RANBP17: variants seen among roughly 807,000 people sequenced by gnomAD.
RANBP17 encodes RAN binding protein 17.
Under a neutral mutation model 141.2 loss-of-function variants are expected in RANBP17, and 158 were observed. The observed-to-expected ratio is 1.12, with a 90% CI of 0.98 to 1.28. The LOEUF is 1.28. Among genes scored for constraint, RANBP17 ranks in the 50% most tolerant of loss-of-function variants. The probability of loss-of-function intolerance (pLI) is 0.00; values close to 1 mark genes in which losing one functional copy is unlikely to be tolerated. For missense variants in RANBP17, 1,438 were observed against 1,290.7 expected (o/e 1.11, Z -1.75); for synonymous variants, 430 against 450.0 (o/e 0.96, Z 0.56).
intron 14 of RANBP17, among the ~76,000 whole-genome samples, chr5:171,025,536 T>C (rs1346350434): frequency 6.6e-6 from 1 of 151,914 alleles, no homozygotes; most frequent in African/African-American, 2.4e-5. Context: ...CTCCCTCCTC[T>C]TAGGTTCTCA....
intron 14 of RANBP17, among the ~76,000 whole-genome samples, chr5:170,981,041 C>A (rs1289525314): frequency 2.0e-5 from 3 of 152,174 alleles, no homozygotes; most frequent in African/African-American, 4.8e-5. Flanking sequence ...CAAAGGAGAT[C>A]ATTTTGGAGC....
chr5:170,904,042 A>G, intron 5 of RANBP17: 2 of 471,584 alleles, frequency 4.2e-6, no homozygotes, highest in South Asian at 1.8e-5. Flanking sequence ...CAGCTGCTTC[A>G]GGCAGACCCT....
At chr5:171,175,690 C>G (rs1233821702) in intron 16 of RANBP17, among the ~76,000 whole-genome samples, 1 of 152,094 alleles carries the variant, frequency 6.6e-6, no homozygotes, top group Non-Finnish European at 1.5e-5. Flanking sequence ...AGCTCATCAT[C>G]ACTGGTCATT....
rs186056886 is a variant in RANBP17, at chr5:170,921,546, G to T, written c.1274+1933G>T. 4.1e-3 allele frequency among the ~76,000 whole-genome samples: 621 copies of T among 152,194 alleles called. 5 individuals are homozygous for T. The highest frequency in any genetic ancestry group is 0.014 in the African/African-American group (599 of 41,522). The stretch of plus-strand genomic sequence containing the variant: ...TGATGCCTCCAGCTTTGTTCTTTTT[G>T]CTTAGGATTGTCTTGGCTATACGGG... On this transcript the variant is annotated intron_variant, in intron 11 of 27. Coordinates refer to ENST00000523189, the MANE Select transcript of RANBP17 (RefSeq NM_022897.5).
chr5:171,175,919 A>G (rs966712971), intron 16 of RANBP17, among the ~76,000 whole-genome samples: 2 of 152,124 alleles, frequency 1.3e-5, no homozygotes, highest in Non-Finnish European at 2.9e-5. Flanking sequence ...CAAAAAGAAG[A>G]ATGTGGAGTT....
intron 14 of RANBP17, among the ~76,000 whole-genome samples, chr5:171,064,577 A>G (rs919614575): frequency 1.3e-5 from 2 of 152,118 alleles, no homozygotes; most frequent in South Asian, 4.1e-4. Flanking sequence ...GCTCACTGCA[A>G]CCTTCTCCTT....
At chr5:171,184,983 T>TG (rs1319081347) in intron 18 of RANBP17, among the ~76,000 whole-genome samples, 4 of 151,988 alleles carry the variant, frequency 2.6e-5, no homozygotes, top group African/African-American at 9.7e-5. Flanking sequence ...ACCAACATGG[T>TG]GAAACCCTGT....
chr5:170,993,105 A>T (rs779118984), intron 14 of RANBP17, among the ~76,000 whole-genome samples: 1 of 151,888 alleles, frequency 6.6e-6, no homozygotes, highest in African/African-American at 2.4e-5. Flanking sequence ...CTTTTATCTT[A>T]CTTAACCTGT....
intron 20 of RANBP17, among the ~76,000 whole-genome samples, chr5:171,209,718 C>T (rs1269424112): frequency 6.6e-6 from 1 of 152,190 alleles, no homozygotes; most frequent in Non-Finnish European, 1.5e-5. Context: ...GAAAGTTGAG[C>T]AAAGCCTTGA....
intron 14 of RANBP17, among the ~76,000 whole-genome samples, chr5:171,166,731 A>T (rs1030220830): frequency 2.0e-5 from 3 of 152,198 alleles, no homozygotes; most frequent in African/African-American, 2.4e-5. Context: ...AGACATTTTC[A>T]TGTTTTCTGC....
chr5:171,089,244 G>T (rs555809145), intron 14 of RANBP17, among the ~76,000 whole-genome samples: 8 of 106,712 alleles, frequency 7.5e-5, no homozygotes, highest in South Asian at 4.5e-4. Context: ...TGCCCCTGCT[G>T]GGGGGGGCCT....
intron 14 of RANBP17, among the ~76,000 whole-genome samples, chr5:171,167,810 G>A (rs1190196957): frequency 6.6e-6 from 1 of 152,072 alleles, no homozygotes; most frequent in Non-Finnish European, 1.5e-5. Flanking sequence ...TGACAGGGGT[G>A]CCACTAAAAT....
At position 171,251,749 on chromosome 5, in the gene RANBP17, C is replaced by T; in HGVS notation, c.2776+8929C>T. On this transcript the variant is annotated intron_variant, in intron 24 of 27. Coordinates refer to ENST00000523189, the MANE Select transcript of RANBP17 (RefSeq NM_022897.5). ...CGGGCTGCGGTGCGAGCAGGTGGCCCCGTTCCCCTCCTCCCGCGCCCGCCC... is the reference window on the plus strand; with the variant it reads ...CGGGCTGCGGTGCGAGCAGGTGGCCTCGTTCCCCTCCTCCCGCGCCCGCCC... 3.6e-6 allele frequency: 3 copies of T among 827,260 alleles called. No individual in the cohort carries two copies. The South Asian group carries it at 4.4e-5, about 12-fold the overall frequency. 51.2% of individuals were successfully genotyped at this position (827,260 alleles called of 1,614,324 possible). A position where few individuals can be genotyped will look rare whatever the true frequency, so the allele number is the denominator to read the frequency against.
chr5:171,010,335 A>C (rs1244741547), intron 14 of RANBP17, among the ~76,000 whole-genome samples: 1 of 152,224 alleles, frequency 6.6e-6, no homozygotes, highest in African/African-American at 2.4e-5. Flanking sequence ...TCCTATGATT[A>C]AGATCTTCAC....
chr5:170,929,473 A>G (rs955455066), intron 12 of RANBP17, among the ~76,000 whole-genome samples: 8 of 152,132 alleles, frequency 5.3e-5, no homozygotes, highest in Non-Finnish European at 1.0e-4. Flanking sequence ...TTATGCATCT[A>G]TTCAAATGAC....
intron 14 of RANBP17, among the ~76,000 whole-genome samples, chr5:171,146,686 AGC>A (rs1267683881): frequency 1.3e-5 from 2 of 152,238 alleles, no homozygotes; most frequent in Non-Finnish European, 2.9e-5. Flanking sequence ...AGCAGTACAG[AGC>A]AGGGAACTTG....
intron 4 of RANBP17, 50 bp downstream of exon 4, chr5:170,892,603 G>A: frequency 2.0e-6 from 3 of 1,486,194 alleles, no homozygotes; most frequent in East Asian, 4.6e-5. Context: ...GCTTTTTTTG[G>A]TTTAGAATAC....
At chr5:171,106,194 A>G (rs1279949306) in intron 14 of RANBP17, among the ~76,000 whole-genome samples, 1 of 152,214 alleles carries the variant, frequency 6.6e-6, no homozygotes, top group South Asian at 2.1e-4. Flanking sequence ...GACTGAGGTA[A>G]ACACAAGGTT....
chr5:171,163,065 A>T (rs569923912), intron 14 of RANBP17, among the ~76,000 whole-genome samples: 1 of 152,316 alleles, frequency 6.6e-6, no homozygotes, highest in South Asian at 2.1e-4. Flanking sequence ...TTTCTTTATC[A>T]GATGCTGTTC....
Sources: allele counts gnomAD v4.1 joint callset (sites outside exome capture counted in the v4.1 genomes callset), GRCh38; gene constraint gnomAD v4.1.1; transcripts MANE v1.5; gene names NCBI Gene and HGNC (gene_info 2026-07-23, HGNC 2026-07-21).